DLG2: variants seen among roughly 807,000 people sequenced by gnomAD.
DLG2 encodes disks large homolog 2.
Under a neutral mutation model 132.5 loss-of-function variants are expected in DLG2, and 45 were observed. The ratio of observed to expected loss-of-function variants is 0.34; its 90% CI spans 0.27 to 0.44. DLG2 has a LOEUF of 0.44. DLG2 is among the 20% of genes least tolerant of loss of function. The pLI is 1.00. For synonymous variants in DLG2, 424 were observed against 419.6 expected, an observed-to-expected ratio of 1.01 and a Z score of -0.13; for missense variants, 1,045 against 1,196.9, an observed-to-expected ratio of 0.87 and a Z score of 1.87.
At chr11:85,087,602 G>T (rs965818455) in intron 6 of DLG2, among the ~76,000 whole-genome samples, 4 of 152,040 alleles carry the variant, frequency 2.6e-5, no homozygotes, top group Non-Finnish European at 5.9e-5. Flanking sequence ...ACTTTGGGAG[G>T]CCGAGGCGGG....
intron 6 of DLG2, among the ~76,000 whole-genome samples, chr11:84,601,451 T>C (rs532972880): frequency 6.6e-6 from 1 of 152,228 alleles, no homozygotes; most frequent in South Asian, 2.1e-4. Context: ...AATCATTTCA[T>C]CTCCAGTAAT....
intron 3 of DLG2, among the ~76,000 whole-genome samples, chr11:85,354,387 G>A (rs768162785): frequency 1.3e-5 from 2 of 151,802 alleles, no homozygotes; most frequent in Admixed American, 6.6e-5. Context: ...TCAGATATAC[G>A]ACAGTCACTC....
At chr11:85,307,441 G>C (rs547641455) in intron 3 of DLG2, among the ~76,000 whole-genome samples, 2 of 152,292 alleles carry the variant, frequency 1.3e-5, no homozygotes, top group East Asian at 3.9e-4. Context: ...TCCTCTTTTA[G>C]TTAGTGTAGA....
At chr11:84,870,600 T>G (rs2085324548) in intron 6 of DLG2, among the ~76,000 whole-genome samples, 1 of 152,216 alleles carries the variant, frequency 6.6e-6, no homozygotes, top group Non-Finnish European at 1.5e-5. Context: ...CTGTTGACAA[T>G]GAAGAAGTGA....
At chr11:85,103,821 T>A (rs1217105226) in intron 6 of DLG2, among the ~76,000 whole-genome samples, 1 of 151,898 alleles carries the variant, frequency 6.6e-6, no homozygotes, top group Non-Finnish European at 1.5e-5. Flanking sequence ...AGATCACATA[T>A]CTGATAAGGG....
chr11:85,573,408 A>C (rs890663342), intron 3 of DLG2, among the ~76,000 whole-genome samples: 95 of 152,232 alleles, frequency 6.2e-4, no homozygotes, highest in African/African-American at 2.2e-3. Flanking sequence ...CCCTCCACAG[A>C]GTGAATTAGG....
chr11:83,657,492 C>T (rs2072870889), intron 18 of DLG2, among the ~76,000 whole-genome samples: 1 of 148,828 alleles, frequency 6.7e-6, no homozygotes, highest in African/African-American at 2.5e-5. Flanking sequence ...CTTGGTTATA[C>T]TGTTGTTTAC....
At chr11:84,743,471 G>C (rs1426328778) in intron 6 of DLG2, among the ~76,000 whole-genome samples, 1 of 152,024 alleles carries the variant, frequency 6.6e-6, no homozygotes, top group East Asian at 1.9e-4. Context: ...CATTCATTGA[G>C]TTCTATGACA....
chr11:84,494,344 GA>G (rs1267022790), intron 7 of DLG2, among the ~76,000 whole-genome samples: 2 of 152,178 alleles, frequency 1.3e-5, no homozygotes, highest in African/African-American at 4.8e-5. Flanking sequence ...CTCTCAACAT[GA>G]GGGTGAAAAC....
At chr11:85,031,387 T>C (rs2060988375) in intron 6 of DLG2, among the ~76,000 whole-genome samples, 1 of 151,892 alleles carries the variant, frequency 6.6e-6, no homozygotes, top group Non-Finnish European at 1.5e-5. Flanking sequence ...GAGCCTATCT[T>C]TTTATAATAG....
intron 11 of DLG2, among the ~76,000 whole-genome samples, chr11:83,994,782 A>T (rs1215473671): frequency 3.3e-5 from 5 of 152,144 alleles, no homozygotes; most frequent in African/African-American, 1.2e-4. Flanking sequence ...TCTGCAGGCT[A>T]GAAGACCAAG....
chr11:84,397,362 C>A (rs1053601676), intron 7 of DLG2, among the ~76,000 whole-genome samples: 1 of 152,234 alleles, frequency 6.6e-6, no homozygotes, highest in Non-Finnish European at 1.5e-5. Context: ...CTATCTGAGA[C>A]AATGCTATGT....
intron 6 of DLG2, among the ~76,000 whole-genome samples, chr11:85,018,717 T>C (rs1332383367): frequency 6.6e-6 from 1 of 152,094 alleles, no homozygotes; most frequent in Non-Finnish European, 1.5e-5. Context: ...ATGTAAAGAT[T>C]GTAATCATAC....
intron 3 of DLG2, among the ~76,000 whole-genome samples, chr11:85,503,868 G>T (rs1418111121): frequency 6.6e-6 from 1 of 152,030 alleles, no homozygotes; most frequent in African/African-American, 2.4e-5. Context: ...GGAGATTGAG[G>T]CTGCAGTGAG....
chr11:84,271,949 C>A (rs367972205), intron 7 of DLG2, among the ~76,000 whole-genome samples: 2,148 of 77,662 alleles, frequency 0.028, no homozygotes, highest in Non-Finnish European at 0.035. Context: ...TTGATAATAA[C>A]AAAAAAAAAA....
At chr11:83,851,305 A>T (rs2154029919) in intron 16 of DLG2, among the ~76,000 whole-genome samples, 1 of 152,172 alleles carries the variant, frequency 6.6e-6, no homozygotes, top group East Asian at 1.9e-4. Flanking sequence ...TGAGTCCCTT[A>T]TCCAATCTGA....
At chr11:83,486,082 A>G in intron 21 of DLG2, 1 of 548,474 alleles carries the variant, frequency 1.8e-6, no homozygotes, top group Non-Finnish European at 3.2e-6. Context: ...TATGTTCAAT[A>G]TAGTTTTATC....
chr11:85,118,473 AGTAATG>A (rs1477222709), intron 5 of DLG2, among the ~76,000 whole-genome samples: 3 of 152,138 alleles, frequency 2.0e-5, no homozygotes, highest in Non-Finnish European at 4.4e-5. Context: ...CCAGATTAAC[AGTAATG>A]AGTGGAATAG....
intron 3 of DLG2, among the ~76,000 whole-genome samples, chr11:85,515,814 C>T (rs906277969): frequency 6.6e-6 from 1 of 151,920 alleles, no homozygotes; most frequent in Non-Finnish European, 1.5e-5. Context: ...TATGAGAATA[C>T]AGGATTTGAA....
Sources: allele counts gnomAD v4.1 joint callset (sites outside exome capture counted in the v4.1 genomes callset), GRCh38; gene constraint gnomAD v4.1.1; transcripts MANE v1.5; gene names NCBI Gene and HGNC (gene_info 2026-07-23, HGNC 2026-07-21).